The following PGS1 variants were observed in gnomAD, a reference collection of about 807,000 sequenced individuals.
The protein encoded by PGS1 is CDP-diacylglycerol--glycerol-3-phosphate 3-phosphatidyltransferase, mitochondrial.
A neutral mutation model predicts 58.3 loss-of-function variants in PGS1; 44 were observed. The ratio of observed to expected loss-of-function variants is 0.75; its 90% CI spans 0.59 to 0.97. PGS1 has a LOEUF of 0.97. Among genes scored for constraint, PGS1 ranks in the 50% least tolerant of loss-of-function variants. PGS1 has a pLI of 0.00. For missense variants in PGS1, 684 were observed against 731.1 expected (o/e 0.94, Z 0.74); for synonymous variants, 330 against 311.0 (o/e 1.06, Z -0.64).
intron 9 of PGS1, among the ~76,000 whole-genome samples, chr17:78,422,660 C>G (rs1272705244): frequency 6.6e-6 from 1 of 152,038 alleles, no homozygotes; most frequent in Non-Finnish European, 1.5e-5. Flanking sequence ...ACATTCCCAG[C>G]TAATTTTTTG....
At chr17:78,410,737 C>G (rs919621832) in intron 7 of PGS1, among the ~76,000 whole-genome samples, 5 of 152,026 alleles carry the variant, frequency 3.3e-5, no homozygotes, top group African/African-American at 1.2e-4. Context: ...CCCCCAAAGT[C>G]CTGGGATTAC....
intron 8 of PGS1, among the ~76,000 whole-genome samples, chr17:78,418,587 A>G (rs1221298524): frequency 6.6e-6 from 1 of 152,194 alleles, no homozygotes; most frequent in Non-Finnish European, 1.5e-5. Flanking sequence ...TAATAAGTTG[A>G]CTGTTGGACA....
chr17:78,381,304 G>A (rs2082021432), intron 1 of PGS1, among the ~76,000 whole-genome samples: 1 of 152,198 alleles, frequency 6.6e-6, no homozygotes, highest in South Asian at 2.1e-4. Flanking sequence ...TGGGACAACA[G>A]TTCAACCAGC....
chr17:78,378,775 G>A lies in PGS1; in HGVS notation c.110G>A (p.Arg37His). ...GCGCTCCTGGGACGCCTGTCCGACC[G>A]CCTCGGCAGGAACCGGGACCGCCAG... ...LAALLGRLSD[R>H]LGRNRDRQRR... The change falls in exon 1 of 10, where the codon CGC (arginine) becomes CAC (histidine). Residue 37 changes from arginine (R) to histidine (H), a missense_variant. Physicochemically the swap from Arg to His is conservative, Grantham distance 29. Coordinates refer to ENST00000262764, the MANE Select transcript of PGS1 (RefSeq NM_024419.5). 1.3e-6 allele frequency: 2 copies of A among 1,488,466 alleles called. No individual in the cohort carries two copies. The highest frequency in any genetic ancestry group is 2.2e-4 in the Middle Eastern group (1 of 4,532). 92.2% of individuals were successfully genotyped at this position (1,488,466 alleles called of 1,614,324 possible). A position where few individuals can be genotyped will look rare whatever the true frequency, so the allele number is the denominator to read the frequency against.
Position 78,411,902 on chromosome 17 carries a change from C to CTTTTTT in PGS1, c.1403-2954_1403-2949dup, listed in dbSNP as rs35472026. ...ATGAAACAGAACTAAAGGGCTCCTGCTTTTTTTTTTTTTTTTTTTTTTTTT... is the reference window on the plus strand; with the variant it reads ...ATGAAACAGAACTAAAGGGCTCCTGCTTTTTTTTTTTTTTTTTTTTTTTTTTTTTTT... On this transcript the variant is annotated intron_variant, in intron 7 of 9. Coordinates refer to ENST00000262764, the MANE Select transcript of PGS1 (RefSeq NM_024419.5). 1.2e-3 allele frequency among the ~76,000 whole-genome samples: 71 copies of CTTTTTT among 58,006 alleles called. 12 individuals carry two copies. Among genetic ancestry groups the CTTTTTT allele is most frequent in the African/African-American group, 4.6e-3 (60 of 13,154 alleles). 38.1% of individuals were successfully genotyped at this position (58,006 alleles called of 152,430 possible). A position where few individuals can be genotyped will look rare whatever the true frequency, so the allele number is the denominator to read the frequency against.
At chr17:78,419,822 C>T (rs1462142597) in intron 9 of PGS1, 147 bp downstream of exon 9, 4 of 1,438,680 alleles carry the variant, frequency 2.8e-6, no homozygotes, top group Non-Finnish European at 3.7e-6. Flanking sequence ...AGGGGTATGG[C>T]AGCTGTCCTC....
rs1428986266 is a variant in PGS1 at position 78,400,910 on chromosome 17, C to A, written c.880+55C>A. ...GCTGTGGGTGGGGTGGAGTGAGGGC[C>A]CGGGAGAGCACAACTCTAGGTGGTT... On this transcript the variant is annotated intron_variant, in intron 6 of 9. Coordinates refer to ENST00000262764, the MANE Select transcript of PGS1 (RefSeq NM_024419.5). This position sits in a 1 kb window ranked among gnomAD's most constrained non-coding sequence, Gnocchi z 4.4. The A allele has an allele frequency of 1.4e-6, 2 of 1,448,534 alleles. No homozygotes were observed. The highest frequency in any genetic ancestry group is 1.9e-6 in the Non-Finnish European group (2 of 1,070,022). The allele number at this position is 1,448,534 out of a possible 1,614,324, so 89.7% of individuals were successfully genotyped here.
intron 7 of PGS1, among the ~76,000 whole-genome samples, chr17:78,410,869 A>G (rs2084623084): frequency 6.6e-6 from 1 of 152,184 alleles, no homozygotes; most frequent in Non-Finnish European, 1.5e-5. Context: ...AACAAATACC[A>G]GCTGTGTCCC....
At chr17:78,386,954 G>GTGATGATGATGATGATGATGA (rs759074948) in intron 1 of PGS1, among the ~76,000 whole-genome samples, 1 of 151,088 alleles carries the variant, frequency 6.6e-6, no homozygotes, top group African/African-American at 2.5e-5. Context: ...GGTGATGATG[G>GTGATGATGATGATGATGATGA]TGATGATGAT....
chr17:78,419,642 C>T lies in PGS1; in HGVS notation c.1648C>T (p.Pro550Ser). The T allele has an allele frequency of 6.2e-7, 1 of 1,613,998 alleles. No individual in the cohort carries two copies. The highest frequency in any genetic ancestry group is 8.5e-7 in the Non-Finnish European group (1 of 1,179,956). Residue 550 changes from proline to serine, a missense_variant, in exon 9 of 10, where the codon CCA (proline) becomes TCA (serine). Pro to Ser is a moderately conservative substitution (Grantham distance 74, BLOSUM62 -1). Coordinates refer to ENST00000262764, the MANE Select transcript of PGS1 (RefSeq NM_024419.5). ...QVKLWVKMVTPLIKNFF is the reference protein window; with the variant it reads ...QVKLWVKMVTSLIKNFF ...GAAGCTGTGGGTGAAGATGGTGACT[C>T]CACTGATCAAGAACTTCTTCTGAGG...
chr17:78,421,763 T>G (rs552242371), intron 9 of PGS1: 1 of 152,304 alleles, frequency 6.6e-6, no homozygotes, highest in South Asian at 2.1e-4. Flanking sequence ...CTATCTGCAG[T>G]GCCGTTCCCG....
intron 7 of PGS1, among the ~76,000 whole-genome samples, chr17:78,410,925 G>A (rs2084629181): frequency 6.6e-6 from 1 of 152,238 alleles, no homozygotes; most frequent in Admixed American, 6.5e-5. Context: ...GTACCAGACA[G>A]ACTAACTCCC....
chr17:78,403,794 T>G lies in PGS1; in HGVS notation c.1107T>G (p.Thr369=). The G allele has an allele frequency of 6.2e-7, 1 of 1,614,240 alleles. No individual in the cohort carries two copies. The highest frequency in any genetic ancestry group is 8.5e-7 in the Non-Finnish European group (1 of 1,180,048). ...AGATTCAAATCGATGAGATTGTCAC[T>G]GAGACCCTGTTGACTGAGGCGGAGC... The part of the protein sequence containing the change: ...PFEIQIDEIV[T]ETLLTEAERG... The change falls in exon 7 of 10, where the codon ACT becomes ACG. Residue 369 remains threonine, a synonymous_variant. Transcript: ENST00000262764.
chr17:78,402,162 G>T (rs541894569), intron 6 of PGS1, among the ~76,000 whole-genome samples: 2 of 152,154 alleles, frequency 1.3e-5, no homozygotes, highest in Non-Finnish European at 2.9e-5. Flanking sequence ...GCATGGGATG[G>T]TCCTTCTCTT....
intron 8 of PGS1, 116 bp from the exon 9 acceptor site, chr17:78,419,430 A>T: frequency 1.2e-6 from 1 of 859,578 alleles, no homozygotes. Context: ...GGCCAGGTAG[A>T]CATGGGAAGT....
chr17:78,422,747 G>A (rs75136504), intron 9 of PGS1, among the ~76,000 whole-genome samples: 2,673 of 151,206 alleles, frequency 0.018, 67 homozygotes, highest in African/African-American at 0.062. Context: ...TAAGATTGCC[G>A]TCCTGGGATT....
intron 1 of PGS1, among the ~76,000 whole-genome samples, chr17:78,390,067 C>CCCCCCCCCCCCCCCGCCCCCCT (rs1883308583): frequency 3.5e-5 from 5 of 143,474 alleles, no homozygotes; most frequent in South Asian, 2.3e-4. Context: ...CCTGTTCCCC[C>CCCCCCCCCCCCCCCGCCCCCCT]GCCCCCGACC....
At chr17:78,397,952 C>A in intron 3 of PGS1, 1 of 487,568 alleles carries the variant, frequency 2.1e-6, no homozygotes, top group South Asian at 1.6e-5. Flanking sequence ...GTACGTGAGA[C>A]CTGGTGTCGT....
chr17:78,417,290 C>T (rs1340546427), intron 8 of PGS1, among the ~76,000 whole-genome samples: 1 of 152,190 alleles, frequency 6.6e-6, no homozygotes, highest in Non-Finnish European at 1.5e-5. Flanking sequence ...TCTGTGGAGA[C>T]TCCTGCAAAC....
Sources: gnomAD v4.1 joint callset for allele counts (sites outside exome capture counted in the v4.1 genomes callset) on GRCh38, gnomAD v4.1.1 for gene constraint, Gnocchi (gnomAD v3.1) non-coding constraint, MANE v1.5 for transcripts, NCBI Gene and HGNC (gene_info 2026-07-23, HGNC 2026-07-21) for gene names.